The following CDH13 variants were observed in gnomAD, a reference collection of about 807,000 sequenced individuals.
CDH13 encodes cadherin-13.
Under a neutral mutation model 63.8 loss-of-function variants are expected in CDH13, and 24 were observed. That is an observed-to-expected ratio of 0.38 (90% CI 0.27 to 0.53). CDH13 has a LOEUF of 0.53. Ranked by LOEUF, CDH13 falls within the 20% of genes least tolerant of loss-of-function variation. The pLI, the probability that CDH13 is intolerant of heterozygous loss-of-function variation, is 0.85. For synonymous variants in CDH13, 503 were observed against 355.3 expected (o/e 1.42, Z -4.67); for missense variants, 1,049 against 903.1 (o/e 1.16, Z -2.07).
At chr16:83,121,607 T>C (rs113034843) in intron 3 of CDH13, among the ~76,000 whole-genome samples, 14 of 152,352 alleles carry the variant, frequency 9.2e-5, no homozygotes, top group African/African-American at 3.4e-4. Flanking sequence ...CCTAGGAGTA[T>C]TGCCTACTAA....
intron 13 of CDH13, among the ~76,000 whole-genome samples, chr16:83,787,587 G>C (rs745760182): frequency 1.3e-5 from 2 of 152,156 alleles, no homozygotes; most frequent in Non-Finnish European, 2.9e-5. Flanking sequence ...TGGAGTGAGC[G>C]CCAGACAGAC....
chr16:83,547,091 C>G lies in CDH13; in HGVS notation c.961-55363C>G, dbSNP rs116170843. Among the ~76,000 whole-genome samples the G allele has an allele frequency of 5.5e-3, 839 of 152,264 alleles. 9 individuals are homozygous for G. Among genetic ancestry groups the G allele is most frequent in the African/African-American group, 0.019 (792 of 41,528 alleles). On this transcript the variant is annotated intron_variant, in intron 7 of 13. Coordinates refer to ENST00000567109, the MANE Select transcript of CDH13 (RefSeq NM_001257.5). Reference sequence around the variant, plus strand: ...AAAGGTGAATGTGTCAAGCACTGTGCAAGCTGCCAGGAGAATGGTGGAGTA... The same window carrying G: ...AAAGGTGAATGTGTCAAGCACTGTGGAAGCTGCCAGGAGAATGGTGGAGTA...
intron 4 of CDH13, among the ~76,000 whole-genome samples, chr16:83,136,486 CAAAAAAAAAAAA>C (rs542700844): frequency 1.6e-5 from 1 of 61,552 alleles, no homozygotes; most frequent in Non-Finnish European, 3.6e-5. Flanking sequence ...ACTCTGTCTC[CAAAAAAAAAAAA>C]AAAAAAAAAG....
intron 1 of CDH13, among the ~76,000 whole-genome samples, chr16:82,665,090 T>C (rs892597593): frequency 1.3e-5 from 2 of 152,204 alleles, no homozygotes; most frequent in Non-Finnish European, 2.9e-5. Flanking sequence ...TGCTTCCAGG[T>C]GCATTCAAAC....
intron 2 of CDH13, among the ~76,000 whole-genome samples, chr16:83,018,599 C>T (rs555698228): frequency 6.6e-6 from 1 of 152,300 alleles, no homozygotes; most frequent in Admixed American, 6.5e-5. Context: ...TTGCTTTAGG[C>T]CCCTCCAGTA....
chr16:83,108,741 C>T (rs956130843), intron 3 of CDH13, among the ~76,000 whole-genome samples: 4 of 152,170 alleles, frequency 2.6e-5, no homozygotes, highest in African/African-American at 7.2e-5. Context: ...TTAGGCTTTG[C>T]AGTTAGAACA....
chr16:82,730,125 C>G (rs913062818), intron 1 of CDH13, among the ~76,000 whole-genome samples: 2 of 152,162 alleles, frequency 1.3e-5, no homozygotes, highest in Non-Finnish European at 2.9e-5. Flanking sequence ...GACTGTCTTA[C>G]TTTTATATCA....
chr16:83,799,793 A>G lies in CDH13; in HGVS notation c.*4763A>G, dbSNP rs1904306119. 2 of 152,124 alleles carry G rather than the reference A, an allele frequency of 1.3e-5. No individual in the cohort carries two copies. The highest frequency in any genetic ancestry group is 2.9e-5 in the Non-Finnish European group (2 of 68,016). The allele number at this position is 152,124 out of a possible 1,614,324, so 9.4% of individuals were successfully genotyped here. A position where few individuals can be genotyped will look rare whatever the true frequency, so the allele number is the denominator to read the frequency against. ...ATATGCAATGTGTTACCCTTACTATATTTCCTATTGCTAATAGATTAGCCC... is the reference window on the plus strand; with the variant it reads ...ATATGCAATGTGTTACCCTTACTATGTTTCCTATTGCTAATAGATTAGCCC... On this transcript the variant is annotated 3_prime_UTR_variant, in exon 14 of 14. Transcript: ENST00000567109.
At chr16:83,155,489 C>A (rs2037170870) in intron 4 of CDH13, among the ~76,000 whole-genome samples, 1 of 152,120 alleles carries the variant, frequency 6.6e-6, no homozygotes, top group Admixed American at 6.6e-5. Context: ...TTTCTTGGTC[C>A]ATCTTTTGGT....
intron 7 of CDH13, among the ~76,000 whole-genome samples, chr16:83,502,839 A>G (rs1405680238): frequency 6.6e-6 from 1 of 152,226 alleles, no homozygotes; most frequent in East Asian, 1.9e-4. Context: ...ACAGAGGCAC[A>G]GTCCACTTGA....
At chr16:83,715,651 G>T (rs374513026) in intron 10 of CDH13, among the ~76,000 whole-genome samples, 1 of 151,692 alleles carries the variant, frequency 6.6e-6, no homozygotes, top group Non-Finnish European at 1.5e-5. Flanking sequence ...GCTGTGTGTC[G>T]CTGACAGGCA....
chr16:82,779,534 G>A (rs1483463314), intron 1 of CDH13, among the ~76,000 whole-genome samples: 1 of 152,194 alleles, frequency 6.6e-6, no homozygotes, highest in East Asian at 1.9e-4. Flanking sequence ...CAAGAGGGAT[G>A]GTCAGTGGCT....
chr16:82,829,157 A>G (rs1302922102), intron 1 of CDH13: 1 of 152,206 alleles, frequency 6.6e-6, no homozygotes. Flanking sequence ...TGGGTTGGCA[A>G]TATATATACA....
intron 4 of CDH13, among the ~76,000 whole-genome samples, chr16:83,126,228 G>A (rs1410566779): frequency 6.6e-6 from 1 of 152,166 alleles, no homozygotes; most frequent in Non-Finnish European, 1.5e-5. Flanking sequence ...GGTGCTGCTT[G>A]TACTTCTGGC....
At chr16:83,551,054 TTA>T (rs540361959) in intron 7 of CDH13, among the ~76,000 whole-genome samples, 1,312 of 11,234 alleles carry the variant, frequency 0.12, 13 homozygotes, top group Middle Eastern at 0.14. Flanking sequence ...CTTAAGTCAT[TTA>T]TATCTATCTA....
intron 7 of CDH13, among the ~76,000 whole-genome samples, chr16:83,594,328 A>G (rs183849999): frequency 1.7e-4 from 26 of 152,260 alleles, no homozygotes; most frequent in Non-Finnish European, 1.5e-5. Flanking sequence ...ATTCTCCCCC[A>G]CTTTACAGAT....
At chr16:83,167,948 A>C (rs2037754953) in intron 4 of CDH13, among the ~76,000 whole-genome samples, 1 of 152,088 alleles carries the variant, frequency 6.6e-6, no homozygotes, top group Non-Finnish European at 1.5e-5. Flanking sequence ...TAATGCAGGA[A>C]CAGAAAACCA....
rs557297052 is a variant in CDH13 at position 83,372,575 on chromosome 16, A to G, written c.781+27569A>G. 1.3e-3 allele frequency among the ~76,000 whole-genome samples: 192 copies of G among 152,012 alleles called. 2 individuals are homozygous for G. The highest frequency in any genetic ancestry group is 1.1e-3 in the Non-Finnish European group (72 of 67,976). ...GAGACCATCCTGGCCAACATGGTGA[A>G]ACCCCATCTCTACTAAAAATATAAA... On this transcript the variant is annotated intron_variant, in intron 6 of 13. Coordinates refer to ENST00000567109, the MANE Select transcript of CDH13 (RefSeq NM_001257.5).
chr16:82,661,105 T>C (rs796689766), intron 1 of CDH13, among the ~76,000 whole-genome samples: 8 of 152,296 alleles, frequency 5.3e-5, no homozygotes, highest in African/African-American at 1.9e-4. Context: ...CGGTGTGATG[T>C]TTCATGCTGG....
Sources: allele counts gnomAD v4.1 joint callset (sites outside exome capture counted in the v4.1 genomes callset), GRCh38; gene constraint gnomAD v4.1.1; transcripts MANE v1.5; gene names NCBI Gene and HGNC (gene_info 2026-07-23, HGNC 2026-07-21).